ACTL8: variants seen among roughly 807,000 people sequenced by gnomAD.
ACTL8 encodes actin like 8.
ACTL8 carries 3 observed loss-of-function variants against 9.3 expected under a neutral mutation model. The observed-to-expected ratio is 0.32, with a 90% CI of 0.15 to 0.83. ACTL8 has a LOEUF of 0.83. Among genes scored for constraint, ACTL8 ranks in the 40% least tolerant of loss-of-function variants. The pLI, the probability that ACTL8 is intolerant of heterozygous loss-of-function variation, is 0.57. For missense variants in ACTL8, 381 were observed against 492.2 expected (o/e 0.77, Z 2.14); for synonymous variants, 224 against 205.9 (o/e 1.09, Z -0.75).
At chr1:17,762,944 G>T (rs2066017581) in intron 1 of ACTL8, among the ~76,000 whole-genome samples, 1 of 152,172 alleles carries the variant, frequency 6.6e-6, no homozygotes, top group Non-Finnish European at 1.5e-5. Flanking sequence ...GAGTGTGTGT[G>T]AGAGAGGGGG....
At chr1:17,806,823 T>G (rs1353840968) in intron 1 of ACTL8, among the ~76,000 whole-genome samples, 1 of 152,230 alleles carries the variant, frequency 6.6e-6, no homozygotes, top group African/African-American at 2.4e-5. Context: ...GAATCTGCTG[T>G]TATTACTGTA....
intron 1 of ACTL8, among the ~76,000 whole-genome samples, chr1:17,819,883 C>T (rs1030184575): frequency 6.6e-6 from 1 of 151,842 alleles, no homozygotes. Flanking sequence ...ATGGCTTGCA[C>T]CTGTAGCCCC....
At chr1:17,779,510 C>A (rs141162729) in intron 1 of ACTL8, among the ~76,000 whole-genome samples, 13 of 152,278 alleles carry the variant, frequency 8.5e-5, no homozygotes, top group African/African-American at 2.2e-4. Flanking sequence ...TCAGGATAGG[C>A]CAGGCTGTGT....
chr1:17,820,336 C>T (rs1361949108), intron 1 of ACTL8, among the ~76,000 whole-genome samples: 6 of 152,096 alleles, frequency 3.9e-5, no homozygotes, highest in Non-Finnish European at 7.3e-5. Flanking sequence ...TGGGGTGTAT[C>T]GGTTGTTCAT....
chr1:17,806,715 T>C (rs1028815774), intron 1 of ACTL8, among the ~76,000 whole-genome samples: 12 of 151,842 alleles, frequency 7.9e-5, no homozygotes, highest in African/African-American at 2.7e-4. Context: ...CAAGGGAGGG[T>C]TTTGGGATGG....
intron 1 of ACTL8, among the ~76,000 whole-genome samples, chr1:17,793,663 C>T (rs1440873953): frequency 1.3e-5 from 2 of 152,146 alleles, no homozygotes; most frequent in Admixed American, 6.5e-5. Flanking sequence ...CTCTATTGGA[C>T]AGGCAGGTTG....
At chr1:17,821,801 C>A (rs1241299994) in intron 1 of ACTL8, among the ~76,000 whole-genome samples, 2 of 152,000 alleles carry the variant, frequency 1.3e-5, no homozygotes, top group Non-Finnish European at 2.9e-5. Flanking sequence ...AATTTTTGTA[C>A]TTCTAGTAGA....
chr1:17,757,140 A>C (rs769528588), intron 1 of ACTL8, among the ~76,000 whole-genome samples: 26 of 152,130 alleles, frequency 1.7e-4, no homozygotes, highest in Admixed American at 9.2e-4. Context: ...AAAAAATAAT[A>C]ATATAATAAG....
intron 1 of ACTL8, among the ~76,000 whole-genome samples, chr1:17,758,139 T>C (rs1444284207): frequency 3.3e-5 from 5 of 152,178 alleles, no homozygotes; most frequent in Admixed American, 1.3e-4. Context: ...CCACTGTGAA[T>C]ATAGAGGCTG....
chr1:17,826,705 A>C lies in ACTL8; in HGVS notation c.*186A>C. 1 of 523,774 alleles carries C rather than the reference A, an allele frequency of 1.9e-6. No individual in the cohort carries two copies. The highest frequency in any genetic ancestry group is 3.1e-6 in the Non-Finnish European group (1 of 323,544). The allele number at this position is 523,774 out of a possible 1,614,324, so 32.4% of individuals were successfully genotyped here. The stretch of plus-strand genomic sequence containing the variant: ...CTTGTTGCAAGAGTGGGACCTACCC[A>C]AGGGGGAAGACAAGATGTCATCCTT... On this transcript the variant is annotated 3_prime_UTR_variant, in exon 3 of 3. Coordinates refer to ENST00000375406, the MANE Select transcript of ACTL8 (RefSeq NM_030812.3). The surrounding 1 kb of genome is among the most constrained non-coding windows in gnomAD (Gnocchi z 4.5).
chr1:17,795,834 C>T (rs939674992), intron 1 of ACTL8, among the ~76,000 whole-genome samples: 10 of 152,138 alleles, frequency 6.6e-5, no homozygotes, highest in Non-Finnish European at 1.2e-4. Context: ...ATGTGCAAGG[C>T]GGGTTGCGTT....
chr1:17,785,100 T>C (rs1188376456), intron 1 of ACTL8, among the ~76,000 whole-genome samples: 1 of 148,320 alleles, frequency 6.7e-6, no homozygotes, highest in Non-Finnish European at 1.5e-5. Context: ...TTCAATTACC[T>C]CCCACTGGGT....
intron 1 of ACTL8, among the ~76,000 whole-genome samples, chr1:17,806,936 G>A (rs2066363747): frequency 6.6e-6 from 1 of 152,216 alleles, no homozygotes; most frequent in African/African-American, 2.4e-5. Flanking sequence ...CAGTCAAGGT[G>A]TTGTCAGGGC....
At position 17,825,493 on chromosome 1, in the gene ACTL8, C is replaced by T. The variant is rs537358331; in HGVS notation, c.349-274C>T. Among the ~76,000 whole-genome samples, 151 of 152,302 alleles carry T rather than the reference C, an allele frequency of 9.9e-4. 1 individual carries two copies. The highest frequency in any genetic ancestry group is 6.8e-3 in the Middle Eastern group (2 of 294). ...GCTCCTGCAGCCAGTGTCCCAGAAC[C>T]ATTTCTTGCAGCCACAGAGCTCTTC... On this transcript the variant is annotated intron_variant, in intron 2 of 2. Coordinates refer to ENST00000375406, the MANE Select transcript of ACTL8 (RefSeq NM_030812.3).
At position 17,756,957 on chromosome 1, in the gene ACTL8, A is replaced by G. The variant is rs566404483; in HGVS notation, c.-25+1453A>G. Among the ~76,000 whole-genome samples the G allele has an allele frequency of 7.1e-4, 108 of 152,218 alleles. 1 individual carries two copies. Among genetic ancestry groups the G allele is most frequent in the African/African-American group, 2.6e-3 (106 of 41,536 alleles). ...TTCAAGGAACCAGATACTATGCTCTATTTAAAACATACATAGGCAGGCCGG... is the reference window on the plus strand; with the variant it reads ...TTCAAGGAACCAGATACTATGCTCTGTTTAAAACATACATAGGCAGGCCGG... On this transcript the variant is annotated intron_variant, in intron 1 of 2. Transcript: ENST00000375406.
chr1:17,759,600 A>G (rs1279561677), intron 1 of ACTL8, among the ~76,000 whole-genome samples: 1 of 152,186 alleles, frequency 6.6e-6, no homozygotes, highest in Non-Finnish European at 1.5e-5. Flanking sequence ...AGGCCTGGAT[A>G]TCAGCCCTCA....
At chr1:17,795,992 C>A (rs1292652586) in intron 1 of ACTL8, among the ~76,000 whole-genome samples, 1 of 152,138 alleles carries the variant, frequency 6.6e-6, no homozygotes, top group East Asian at 1.9e-4. Context: ...CTCAGGAAGT[C>A]CCCTGGGGCC....
At chr1:17,804,509 G>A (rs1265916356) in intron 1 of ACTL8, among the ~76,000 whole-genome samples, 1 of 152,266 alleles carries the variant, frequency 6.6e-6, no homozygotes, top group African/African-American at 2.4e-5. Flanking sequence ...GCTGTGGACT[G>A]GGGAGGCAAC....
At chr1:17,804,604 A>G (rs1468448975) in intron 1 of ACTL8, among the ~76,000 whole-genome samples, 11 of 146,830 alleles carry the variant, frequency 7.5e-5, no homozygotes, top group Non-Finnish European at 9.0e-5. Flanking sequence ...CTTTGTCCCC[A>G]TCTTTTTTTT....
Sources: gnomAD v4.1 joint callset for allele counts (sites outside exome capture counted in the v4.1 genomes callset) on GRCh38, gnomAD v4.1.1 for gene constraint, Gnocchi (gnomAD v3.1) non-coding constraint, MANE v1.5 for transcripts, NCBI Gene and HGNC (gene_info 2026-07-23, HGNC 2026-07-21) for gene names.